The following TAMM41 variants were observed in gnomAD, a reference collection of about 807,000 sequenced individuals.
TAMM41 encodes TAM41 mitochondrial translocator assembly and maintenance homolog, also known as phosphatidate cytidylyltransferase, mitochondrial.
Under a neutral mutation model 44.1 loss-of-function variants are expected in TAMM41, and 36 were observed. That is an observed-to-expected ratio of 0.82 (90% CI 0.63 to 1.08). TAMM41 has a LOEUF of 1.08. Ranked by LOEUF, TAMM41 falls within the 50% of genes least tolerant of loss-of-function variation. TAMM41 has a pLI of 0.00. For missense variants in TAMM41, 417 were observed against 404.3 expected, an observed-to-expected ratio of 1.03 and a Z score of -0.27; for synonymous variants, 164 against 153.1, an observed-to-expected ratio of 1.07 and a Z score of -0.53.
At chr3:11,801,719 T>C (rs994958498) in intron 7 of TAMM41, among the ~76,000 whole-genome samples, 2 of 152,100 alleles carry the variant, frequency 1.3e-5, no homozygotes, top group African/African-American at 4.8e-5. Flanking sequence ...ATTACTAATG[T>C]TTACAGCATT....
intron 7 of TAMM41, among the ~76,000 whole-genome samples, chr3:11,793,726 G>A (rs879324536): frequency 2.0e-5 from 3 of 152,206 alleles, no homozygotes; most frequent in Admixed American, 6.5e-5. Context: ...AGGCACAAAA[G>A]AGGACATGCT....
the TAMM41 span, among the ~76,000 whole-genome samples, chr3:11,770,424 C>T: frequency 6.6e-6 from 1 of 152,192 alleles, no homozygotes; most frequent in Non-Finnish European, 1.5e-5. Context: ...ATAAAGGGGG[C>T]AGTTTCGATC....
At chr3:11,809,479 T>C (rs1318986626) in intron 6 of TAMM41, 38 bp downstream of exon 6, 1 of 1,609,906 alleles carries the variant, frequency 6.2e-7, no homozygotes, top group Non-Finnish European at 8.5e-7. Context: ...CTTTTCCCCA[T>C]GGCTGGCATT....
At chr3:11,833,804 G>A (rs2079073728) in intron 3 of TAMM41, among the ~76,000 whole-genome samples, 2 of 152,136 alleles carry the variant, frequency 1.3e-5, no homozygotes, top group Admixed American at 6.5e-5. Context: ...TTATAGCACT[G>A]GGGGTTTTTC....
chr3:11,827,320 T>G (rs2078795076), intron 4 of TAMM41, among the ~76,000 whole-genome samples: 1 of 151,564 alleles, frequency 6.6e-6, no homozygotes, highest in Non-Finnish European at 1.5e-5. Context: ...TTTTTTTTTT[T>G]TTGAGACACA....
At chr3:11,775,311 G>A in the TAMM41 span, among the ~76,000 whole-genome samples, 1 of 152,110 alleles carries the variant, frequency 6.6e-6, no homozygotes, top group African/African-American at 2.4e-5. Flanking sequence ...CAGCCCCCAC[G>A]TTTGCCAGGC....
chr3:11,731,330 C>T, the TAMM41 span, among the ~76,000 whole-genome samples: 7 of 151,926 alleles, frequency 4.6e-5, no homozygotes, highest in Admixed American at 1.3e-4. Flanking sequence ...GACATAGAAG[C>T]GTTAAGAACT....
chr3:11,835,338 T>A (rs1434211782), intron 3 of TAMM41, among the ~76,000 whole-genome samples: 3 of 152,142 alleles, frequency 2.0e-5, no homozygotes, highest in Non-Finnish European at 4.4e-5. Flanking sequence ...AATTTGCCCA[T>A]TTATCATTCT....
intron 1 of TAMM41, among the ~76,000 whole-genome samples, chr3:11,846,123 G>C (rs755869105): frequency 6.6e-6 from 1 of 152,226 alleles, no homozygotes; most frequent in African/African-American, 2.4e-5. Flanking sequence ...AATTAAATCA[G>C]AATCTCCATC....
the TAMM41 span, among the ~76,000 whole-genome samples, chr3:11,750,975 C>CA: frequency 0.24 from 37,089 of 151,710 alleles, 4,633 homozygotes; most frequent in Non-Finnish European, 0.27. Context: ...CTAGCCTGGA[C>CA]AATAAGACAT....
intron 4 of TAMM41, among the ~76,000 whole-genome samples, chr3:11,821,962 T>G (rs530814124): frequency 1.1e-4 from 17 of 152,298 alleles, no homozygotes; most frequent in African/African-American, 3.9e-4. Flanking sequence ...GCACATATTA[T>G]TAAAAATATC....
chr3:11,765,308 C>T, the TAMM41 span, among the ~76,000 whole-genome samples: 8 of 152,290 alleles, frequency 5.3e-5, no homozygotes, highest in Admixed American at 2.6e-4. Flanking sequence ...TCATCACAAT[C>T]GCCACCACTA....
At chr3:11,759,265 C>CT in the TAMM41 span, among the ~76,000 whole-genome samples, 2 of 152,066 alleles carry the variant, frequency 1.3e-5, no homozygotes, top group African/African-American at 2.4e-5. Flanking sequence ...GAGTGATCGC[C>CT]ATCTAAGAGC....
intron 4 of TAMM41, among the ~76,000 whole-genome samples, chr3:11,821,235 T>G (rs773968831): frequency 7.2e-5 from 11 of 152,202 alleles, no homozygotes; most frequent in Non-Finnish European, 1.5e-4. Flanking sequence ...TGCACTTCAT[T>G]TGTTATTATT....
the TAMM41 span, among the ~76,000 whole-genome samples, chr3:11,754,812 C>T: frequency 6.7e-6 from 1 of 149,486 alleles, no homozygotes; most frequent in African/African-American, 2.5e-5. Flanking sequence ...GATTCTCCTG[C>T]CTCAGCCTGC....
rs1295762048 is a variant in TAMM41, at chr3:11,844,162, T to G, written c.185A>C (p.His62Pro). Residue 62 changes from histidine to proline, a missense_variant, in exon 2 of 8, where the codon CAT becomes CCT. Coordinates refer to ENST00000455809, the MANE Select transcript of TAMM41 (RefSeq NM_001284401.2). The part of the protein sequence containing the change: ...VFTVDDPVAW[H>P]SKNLKKNWSH... ...CCAATTTTTCTTCAGGTTCTTTGAA[T>G]GCCATGCGACAGGGTCATCTACTGT... 6.2e-7 allele frequency: 1 copy of G among 1,614,222 alleles called. No individual in the cohort carries two copies. The highest frequency in any genetic ancestry group is 1.1e-5 in the South Asian group (1 of 91,084).
rs527803195 is a variant in TAMM41, at chr3:11,801,381, T to C, written c.937+6452A>G. 5.9e-5 allele frequency among the ~76,000 whole-genome samples: 9 copies of C among 152,232 alleles called. No homozygotes were observed. The East Asian group carries it at 1.7e-3, about 29-fold the overall frequency. The stretch of plus-strand genomic sequence containing the variant: ...GGGTCTTACTGTGTCACCCAGGCTG[T>C]GGTGTAATCATGGCTCACCGTAGCC... On this transcript the variant is annotated intron_variant, in intron 7 of 7. Coordinates refer to ENST00000455809, the MANE Select transcript of TAMM41 (RefSeq NM_001284401.2).
intron 4 of TAMM41, among the ~76,000 whole-genome samples, chr3:11,823,100 G>C (rs1395130995): frequency 6.6e-6 from 1 of 152,078 alleles, no homozygotes; most frequent in African/African-American, 2.4e-5. Flanking sequence ...TCTGTGATTT[G>C]TATTGATGTT....
the TAMM41 span, among the ~76,000 whole-genome samples, chr3:11,740,616 C>T: frequency 6.6e-6 from 1 of 151,654 alleles, no homozygotes; most frequent in Admixed American, 6.6e-5. Context: ...GAGTTTTGCT[C>T]TTGTTGCCCA....
Sources: gnomAD v4.1 joint callset for allele counts (sites outside exome capture counted in the v4.1 genomes callset) on GRCh38, gnomAD v4.1.1 for gene constraint, MANE v1.5 for transcripts, NCBI Gene and HGNC (gene_info 2026-07-23, HGNC 2026-07-21) for gene names.